DNAH3: variants seen among roughly 807,000 people sequenced by gnomAD.
The protein encoded by DNAH3 is dynein axonemal heavy chain 3.
DNAH3 carries 332 observed loss-of-function variants against 432.5 expected under a neutral mutation model. That is an observed-to-expected ratio of 0.77 (90% confidence interval 0.70 to 0.84). The LOEUF is 0.84. DNAH3 is among the 40% of genes least tolerant of loss of function. The pLI is 0.00. For synonymous variants in DNAH3, 1,956 were observed against 1,900.2 expected (o/e 1.03, Z -0.76); for missense variants, 4,861 against 5,114.0 (o/e 0.95, Z 1.51).
At chr16:21,134,441 G>A in exon 7 of DNAH3, 2 of 1,613,978 alleles carry the variant, frequency 1.2e-6, no homozygotes, top group East Asian at 2.2e-5. Context: ...TTGGGTCCAT[G>A]AGGATGTAAT....
chr16:20,983,091 G>GC (rs1319371452), intron 48 of DNAH3, among the ~76,000 whole-genome samples: 1 of 151,976 alleles, frequency 6.6e-6, no homozygotes, highest in Non-Finnish European at 1.5e-5. Flanking sequence ...TTTGTGAGGA[G>GC]CCCATTACAA....
chr16:21,107,681 T>G (rs2091979132), intron 14 of DNAH3, among the ~76,000 whole-genome samples: 1 of 152,192 alleles, frequency 6.6e-6, no homozygotes, highest in Non-Finnish European at 1.5e-5. Context: ...AAAATGATGT[T>G]ATTATACAGA....
In DNAH3 at chr16:21,031,243, G is replaced by A. The variant is rs758596821; in HGVS notation, c.5241C>T (p.Asn1747=). ...GCTGCCCCATCGTGATAGCCTTGGG[G>A]TTGATGATCTTGTACTCCACAGCAA... is the stretch of plus-strand genomic sequence containing the variant. The change falls in exon 37 of 62, where the codon AAC becomes AAT. Residue 1747 remains asparagine (N), a synonymous_variant. Transcript: ENST00000261383. 1.9e-6 allele frequency: 3 copies of A among 1,614,138 alleles called. No homozygotes were observed. The South Asian group carries it at 3.3e-5, about 18-fold the overall frequency.
intron 49 of DNAH3, 53 bp from the exon 50 acceptor site, chr16:20,979,599 C>G (rs1282001874): frequency 6.6e-7 from 1 of 1,511,442 alleles, no homozygotes; most frequent in East Asian, 2.3e-5. Flanking sequence ...CCAGGGAGAT[C>G]CAGTACAGCT....
chr16:21,062,727 G>T (rs931507352), intron 24 of DNAH3, 44 bp from the exon 25 acceptor site: 2 of 1,539,790 alleles, frequency 1.3e-6, no homozygotes, highest in East Asian at 2.3e-5. Context: ...CCTCTTCCAA[G>T]AACTTTTTCT....
chr16:21,048,586 G>A lies in DNAH3; in HGVS notation c.4461+983C>T, dbSNP rs1456716527. On this transcript the variant is annotated intron_variant, in intron 31 of 61. Transcript: ENST00000261383. Reference sequence around the variant, plus strand: ...CCTGCGCCCACTGTCTGGCACTCCCGAGTGAGATGAACCCGGTACCTCAGA... The same window carrying A: ...CCTGCGCCCACTGTCTGGCACTCCCAAGTGAGATGAACCCGGTACCTCAGA... Among the ~76,000 whole-genome samples, 3 of 152,170 alleles carry A rather than the reference G, an allele frequency of 2.0e-5. No homozygotes were observed. In the East Asian group the frequency reaches 5.8e-4, roughly 29 times the overall value.
chr16:20,985,360 G>A, exon 48 of DNAH3: 1 of 1,614,172 alleles, frequency 6.2e-7, no homozygotes, highest in Non-Finnish European at 8.5e-7. Flanking sequence ...GTAGTTCTTG[G>A]TGATCTCAAT....
intron 27 of DNAH3, among the ~76,000 whole-genome samples, chr16:21,055,003 AACCTC>A (rs2090083228): frequency 6.6e-6 from 1 of 152,142 alleles, no homozygotes; most frequent in African/African-American, 2.4e-5. Context: ...AATCAGAATT[AACCTC>A]CCAAACTGGA....
chr16:20,985,787 G>A, intron 47 of DNAH3, 72 bp from the exon 48 acceptor site: 6 of 1,443,332 alleles, frequency 4.2e-6, no homozygotes, highest in Non-Finnish European at 4.7e-6. Flanking sequence ...CATCATGGAG[G>A]GAGGGCATGG....
chr16:21,012,527 T>C (rs1009276251), intron 41 of DNAH3, among the ~76,000 whole-genome samples: 3 of 152,198 alleles, frequency 2.0e-5, no homozygotes, highest in African/African-American at 4.8e-5. Flanking sequence ...TAAGGAGAAA[T>C]AGACAAATCC....
Position 21,081,727 on chromosome 16 carries a change from T to C in DNAH3, c.2878A>G (p.Ile960Val), listed in dbSNP as rs374505997. Residue 960 changes from isoleucine to valine, a missense_variant and splice_region_variant, in exon 20 of 62, where the codon ATC becomes GTC. Ile to Val is a conservative substitution (Grantham distance 29). Coordinates refer to ENST00000261383, the Ensembl canonical transcript of DNAH3. Reference sequence around the variant, plus strand: ...ATCTCATAGCCAACAATCTCACTGATCTGCAAAGAAAAGAGGAAAGCAAAT... The same window carrying C: ...ATCTCATAGCCAACAATCTCACTGACCTGCAAAGAAAAGAGGAAAGCAAAT... 17 of 1,613,234 alleles carry C rather than the reference T, an allele frequency of 1.1e-5. No individual in the cohort carries two copies. The African/African-American group carries it at 2.0e-4, about 19-fold the overall frequency.
At chr16:21,141,363 C>A in exon 4 of DNAH3, 1 of 1,585,752 alleles carries the variant, frequency 6.3e-7, no homozygotes, top group Non-Finnish European at 8.6e-7. Flanking sequence ...CTCTGATGAG[C>A]TTCTATTTCC....
At chr16:21,123,326 T>A (rs986550276) in intron 9 of DNAH3, among the ~76,000 whole-genome samples, 2 of 152,180 alleles carry the variant, frequency 1.3e-5, no homozygotes. Context: ...ACTTCTTACA[T>A]AGAGATTTCT....
intron 26 of DNAH3, among the ~76,000 whole-genome samples, chr16:21,059,489 A>G (rs1232173615): frequency 1.1e-4 from 17 of 152,142 alleles, no homozygotes. Context: ...AGTTAGAGTC[A>G]GTCAGCCGGG....
chr16:21,105,637 G>A lies in DNAH3; in HGVS notation c.2284+853C>T, dbSNP rs112740964. On this transcript the variant is annotated intron_variant, in intron 15 of 61. Coordinates refer to ENST00000261383, the Ensembl canonical transcript of DNAH3. ...AAAAATTAGTTGGGCGTGGTGGCAC[G>A]TGCCTGTAATTCCAGCTACTCAGGA... Among the ~76,000 whole-genome samples the A allele has an allele frequency of 3.2e-3, 494 of 152,134 alleles. 1 individual carries two copies. The highest frequency in any genetic ancestry group is 0.011 in the African/African-American group (451 of 41,484).
At chr16:20,941,214 G>A (rs2083795304) in intron 59 of DNAH3, among the ~76,000 whole-genome samples, 187 bp downstream of exon 59, 1 of 152,192 alleles carries the variant, frequency 6.6e-6, no homozygotes, top group African/African-American at 2.4e-5. Flanking sequence ...TGAATGAATA[G>A]AAGGAATGAT....
chr16:20,995,017 T>G (rs557027158), intron 44 of DNAH3, among the ~76,000 whole-genome samples: 1 of 152,024 alleles, frequency 6.6e-6, no homozygotes. Context: ...TCACTGAAGC[T>G]TTGACCTCCC....
chr16:20,993,300 A>G (rs1388871281), intron 44 of DNAH3, among the ~76,000 whole-genome samples: 1 of 152,054 alleles, frequency 6.6e-6, no homozygotes, highest in East Asian at 1.9e-4. Flanking sequence ...CAAATAATAT[A>G]CTCTTTACAT....
chr16:20,985,388 C>A, exon 48 of DNAH3: 3 of 1,614,112 alleles, frequency 1.9e-6, no homozygotes, highest in East Asian at 4.5e-5. Flanking sequence ...AGCTCGTATG[C>A]GTTCATGAAT....
Sources: allele counts gnomAD v4.1 joint callset (sites outside exome capture counted in the v4.1 genomes callset), GRCh38; gene constraint gnomAD v4.1.1; transcripts MANE v1.5; gene names NCBI Gene and HGNC (gene_info 2026-07-23, HGNC 2026-07-21).